Variants in FNIP1 observed in about 807,000 individuals in gnomAD.
FNIP1 encodes the protein folliculin-interacting protein 1.
In FNIP1, 40 loss-of-function variants were observed where a neutral mutation model predicts 124.5. The ratio of observed to expected loss-of-function variants is 0.32; its 90% CI spans 0.25 to 0.42. The LOEUF (loss-of-function observed/expected upper bound fraction) is 0.42. Ranked by LOEUF, FNIP1 falls within the 10% of genes least tolerant of loss-of-function variation. The pLI is 1.00. For missense variants in FNIP1, 1,176 were observed against 1,403.7 expected, an observed-to-expected ratio of 0.84 and a Z score of 2.59; for synonymous variants, 472 against 470.6, an observed-to-expected ratio of 1.00 and a Z score of -0.04.
At chr5:131,666,305 T>C (rs1010048688) in intron 15 of FNIP1, among the ~76,000 whole-genome samples, 13 of 152,200 alleles carry the variant, frequency 8.5e-5, no homozygotes, top group Admixed American at 8.5e-4. Context: ...AATTTTTCTA[T>C]AATAGTGCTT....
At chr5:131,750,425 A>G (rs1770832260) in intron 1 of FNIP1, among the ~76,000 whole-genome samples, 2 of 152,110 alleles carry the variant, frequency 1.3e-5, no homozygotes, top group African/African-American at 4.8e-5. Flanking sequence ...TTAAATACAG[A>G]TATGTACCTA....
intron 2 of FNIP1, among the ~76,000 whole-genome samples, chr5:131,740,736 G>A (rs1419515715): frequency 1.3e-5 from 2 of 152,180 alleles, no homozygotes; most frequent in Non-Finnish European, 2.9e-5. Context: ...GGCTCAGACC[G>A]ACTGGGCTGC....
At chr5:131,706,121 CAG>C (rs898239893) in intron 9 of FNIP1, among the ~76,000 whole-genome samples, 2 of 151,954 alleles carry the variant, frequency 1.3e-5, no homozygotes, top group Non-Finnish European at 2.9e-5. Flanking sequence ...TGAATGGATA[CAG>C]AGTTTCAGCT....
intron 1 of FNIP1, among the ~76,000 whole-genome samples, chr5:131,789,750 T>C (rs1487136656): frequency 6.6e-6 from 1 of 152,256 alleles, no homozygotes; most frequent in Non-Finnish European, 1.5e-5. Flanking sequence ...TTGGCTTCCC[T>C]AACACCACAC....
intron 3 of FNIP1, among the ~76,000 whole-genome samples, chr5:131,730,558 C>T (rs1770046794): frequency 6.6e-6 from 1 of 152,082 alleles, no homozygotes; most frequent in South Asian, 2.1e-4. Flanking sequence ...TGTATACTTC[C>T]AATCATACTT....
chr5:131,788,514 A>C (rs1772291525), intron 1 of FNIP1, among the ~76,000 whole-genome samples: 1 of 152,178 alleles, frequency 6.6e-6, no homozygotes, highest in East Asian at 1.9e-4. Flanking sequence ...TACTAAAAAT[A>C]CAAAAATTAA....
chr5:131,682,008 T>C (rs1339078307), intron 11 of FNIP1, among the ~76,000 whole-genome samples: 4 of 152,104 alleles, frequency 2.6e-5, no homozygotes, highest in Non-Finnish European at 5.9e-5. Flanking sequence ...GAAATAATAG[T>C]TAAAAAGAGA....
chr5:131,750,797 G>C (rs540605313), intron 1 of FNIP1, among the ~76,000 whole-genome samples: 1 of 152,140 alleles, frequency 6.6e-6, no homozygotes, highest in Non-Finnish European at 1.5e-5. Flanking sequence ...ACTTTTAGTA[G>C]AAATAGGGTT....
At chr5:131,678,955 T>C in intron 12 of FNIP1, 74 bp downstream of exon 12, 1 of 989,510 alleles carries the variant, frequency 1.0e-6, no homozygotes, top group Non-Finnish European at 1.5e-6. Flanking sequence ...CCAAAGATAA[T>C]GGATGATTCT....
At chr5:131,727,581 G>T (rs755380069) in intron 3 of FNIP1, among the ~76,000 whole-genome samples, 12 of 152,118 alleles carry the variant, frequency 7.9e-5, no homozygotes, top group Non-Finnish European at 1.6e-4. Context: ...CTTTGCAGAT[G>T]AGATGGGTCT....
Position 131,644,662 on chromosome 5 carries a change from A to ATT in FNIP1, c.*21_*22dup. On this transcript the variant is annotated 3_prime_UTR_variant, in exon 18 of 18. Transcript: ENST00000510461. ...TTGGTTTCTACCTATTTTCCCACCA[A>ATT]TTTCTAACAATTTTTAGGTATATTA... 1 of 1,606,442 alleles carries ATT rather than the reference A, an allele frequency of 6.2e-7. No homozygotes were observed. The highest frequency in any genetic ancestry group is 8.5e-7 in the Non-Finnish European group (1 of 1,173,618).
At chr5:131,790,701 G>A (rs1260997906) in intron 1 of FNIP1, among the ~76,000 whole-genome samples, 1 of 152,194 alleles carries the variant, frequency 6.6e-6, no homozygotes, top group African/African-American at 2.4e-5. Context: ...AATAAGCTAT[G>A]AAACAAAGTT....
chr5:131,692,580 G>A (rs1768518168), intron 11 of FNIP1, among the ~76,000 whole-genome samples: 1 of 152,088 alleles, frequency 6.6e-6, no homozygotes, highest in African/African-American at 2.4e-5. Flanking sequence ...AAACAAAAAA[G>A]ACCCAGAATA....
At chr5:131,729,904 C>T (rs561939166) in intron 3 of FNIP1, among the ~76,000 whole-genome samples, 1 of 151,750 alleles carries the variant, frequency 6.6e-6, no homozygotes, top group Non-Finnish European at 1.5e-5. Flanking sequence ...TGCCACCATG[C>T]CTAATTTTAC....
chr5:131,779,879 T>C (rs1390044298), intron 1 of FNIP1, among the ~76,000 whole-genome samples: 1 of 151,956 alleles, frequency 6.6e-6, no homozygotes, highest in Non-Finnish European at 1.5e-5. Flanking sequence ...GCATGCTCTT[T>C]ACATTTTTGT....
At chr5:131,733,252 T>C (rs1770162348) in intron 2 of FNIP1, among the ~76,000 whole-genome samples, 1 of 152,226 alleles carries the variant, frequency 6.6e-6, no homozygotes, top group Admixed American at 6.5e-5. Flanking sequence ...GTGTTCTAGA[T>C]ACACAATCAT....
chr5:131,741,958 G>A (rs2149558772), intron 2 of FNIP1, among the ~76,000 whole-genome samples: 1 of 152,304 alleles, frequency 6.6e-6, no homozygotes, highest in South Asian at 2.1e-4. Context: ...AGGGAGGACT[G>A]CGTGATCCCA....
chr5:131,711,705 A>C (rs899792786), intron 6 of FNIP1, among the ~76,000 whole-genome samples: 3 of 152,186 alleles, frequency 2.0e-5, no homozygotes, highest in Non-Finnish European at 4.4e-5. Context: ...ATACATTGCC[A>C]AGTTGATCTC....
chr5:131,719,058 G>T lies in FNIP1; in HGVS notation c.458C>A (p.Ser153Tyr), dbSNP rs145940981. Residue 153 changes from serine to tyrosine, a missense_variant and splice_region_variant, in exon 5 of 18, where the codon TCC becomes TAC. Physicochemically the swap from Ser to Tyr is moderately radical, Grantham distance 144. Around this residue, in one of 2 missense-constraint regions of FNIP1, gnomAD observed 1,109 missense variants for 1,288.5 expected, o/e 0.86. Coordinates refer to ENST00000510461, the MANE Select transcript of FNIP1 (RefSeq NM_133372.3). ...GSTLKIHQIR[S>Y]PPQLMLSKVF... ...TTTGCTGAGCATGAGCTGTGGAGGG[G>T]AACTATGAAGAAAAAGAGAAAGAGA... The T allele has an allele frequency of 2.5e-6, 4 of 1,613,176 alleles. No individual in the cohort carries two copies. Among genetic ancestry groups the T allele is most frequent in the African/African-American group, 2.7e-5 (2 of 74,948 alleles).
Sources: gnomAD v4.1 joint callset for allele counts (sites outside exome capture counted in the v4.1 genomes callset) on GRCh38, gnomAD v4.1.1 for gene constraint, gnomAD v4.1.1 regional missense constraint, MANE v1.5 for transcripts, NCBI Gene and HGNC (gene_info 2026-07-23, HGNC 2026-07-21) for gene names.